PHLDB2: variants seen among roughly 807,000 people sequenced by gnomAD.
The protein encoded by PHLDB2 is pleckstrin homology-like domain family B member 2.
Under a neutral mutation model 123.6 loss-of-function variants are expected in PHLDB2, and 71 were observed. The observed-to-expected ratio is 0.57, with a 90% CI of 0.47 to 0.70. The LOEUF is 0.70. Among genes scored for constraint, PHLDB2 ranks in the 30% least tolerant of loss-of-function variants. PHLDB2 has a pLI of 0.00. For missense variants in PHLDB2, 1,446 were observed against 1,519.5 expected, an observed-to-expected ratio of 0.95 and a Z score of 0.80; for synonymous variants, 547 against 541.6, an observed-to-expected ratio of 1.01 and a Z score of -0.14.
intron 1 of PHLDB2, among the ~76,000 whole-genome samples, chr3:111,768,798 T>C (rs2060125800): frequency 6.6e-6 from 1 of 152,222 alleles, no homozygotes; most frequent in African/African-American, 2.4e-5. Flanking sequence ...CCAGCTTCTT[T>C]TGCATTGTCT....
intron 1 of PHLDB2, among the ~76,000 whole-genome samples, chr3:111,872,283 C>T (rs2065377966): frequency 6.6e-6 from 1 of 152,186 alleles, no homozygotes; most frequent in Non-Finnish European, 1.5e-5. Flanking sequence ...ACTGGGACCT[C>T]TTTTTTGTTT....
chr3:111,918,198 G>A (rs1282943), intron 3 of PHLDB2, among the ~76,000 whole-genome samples: 3,414 of 152,264 alleles, frequency 0.022, 126 homozygotes, highest in African/African-American at 0.077. Flanking sequence ...TTGACTGTGT[G>A]TGTGATCTAC....
chr3:111,807,435 T>C (rs7637534), intron 1 of PHLDB2, among the ~76,000 whole-genome samples: 142,756 of 152,190 alleles, frequency 0.94, 67,584 homozygotes, highest in East Asian at 1. Context: ...CATGAATCCC[T>C]GCCAGGCATA....
At chr3:111,883,908 G>A in intron 1 of PHLDB2, 156 bp from the exon 2 acceptor site, 1 of 645,650 alleles carries the variant, frequency 1.5e-6, no homozygotes, top group South Asian at 2.1e-5. Context: ...TTAATTTGCT[G>A]TATGGTTTTA....
intron 1 of PHLDB2, among the ~76,000 whole-genome samples, chr3:111,770,031 A>C (rs1177052393): frequency 2.0e-5 from 3 of 152,220 alleles, no homozygotes; most frequent in Non-Finnish European, 4.4e-5. Flanking sequence ...GTCACTTTCC[A>C]GTATTTCTGT....
At chr3:111,868,023 A>G (rs1020432757) in intron 1 of PHLDB2, among the ~76,000 whole-genome samples, 1 of 151,466 alleles carries the variant, frequency 6.6e-6, no homozygotes, top group African/African-American at 2.4e-5. Flanking sequence ...AAAAAATGAC[A>G]GGATCTTGCT....
chr3:111,782,846 A>G (rs561862506), intron 1 of PHLDB2, among the ~76,000 whole-genome samples: 1 of 152,258 alleles, frequency 6.6e-6, no homozygotes, highest in East Asian at 1.9e-4. Context: ...CAGGCTATTC[A>G]GAGAGAAAAA....
chr3:111,748,538 T>C (rs1323399401), intron 1 of PHLDB2, among the ~76,000 whole-genome samples: 2 of 151,834 alleles, frequency 1.3e-5, no homozygotes, highest in African/African-American at 4.8e-5. Context: ...TTTCTTTTTC[T>C]TTTTTTTCTT....
At position 111,913,349 on chromosome 3, in the gene PHLDB2, C is replaced by G; in HGVS notation, c.1366C>G (p.Leu456Val). 6.2e-7 allele frequency: 1 copy of G among 1,609,660 alleles called. No individual in the cohort carries two copies. The highest frequency in any genetic ancestry group is 8.5e-7 in the Non-Finnish European group (1 of 1,177,954). The change falls in exon 3 of 18, where the codon CTC (leucine) becomes GTC (valine). Residue 456 changes from leucine (L) to valine (V), a missense_variant. Leu to Val is a conservative substitution (Grantham distance 32, BLOSUM62 1). This residue lies in a region of PHLDB2 where 832 missense variants were observed against 831.9 expected (regional missense o/e 1.00). Transcript: ENST00000431670. ...ERQRLETILSLCAEYTKPDSR... is the reference protein window; with the variant it reads ...ERQRLETILSVCAEYTKPDSR... Reference sequence around the variant, plus strand: ...ACAGCGTCTGGAGACCATCCTCAGTCTCTGTGCTGAATACACAAAGCCTGA... The same window carrying G: ...ACAGCGTCTGGAGACCATCCTCAGTGTCTGTGCTGAATACACAAAGCCTGA...
In PHLDB2 at chr3:111,927,199, A is replaced by G. The variant is rs552939687; in HGVS notation, c.2002-5070A>G. ...AGGAACAGGAAGGAAAGGGATTTTTAGGATACATAGATAGGACTTTGAATG... is the reference window on the plus strand; with the variant it reads ...AGGAACAGGAAGGAAAGGGATTTTTGGGATACATAGATAGGACTTTGAATG... On this transcript the variant is annotated intron_variant, in intron 5 of 17. Transcript: ENST00000431670. Among the ~76,000 whole-genome samples, 82 of 151,432 alleles carry G rather than the reference A, an allele frequency of 5.4e-4. 1 individual carries two copies. Among genetic ancestry groups the G allele is most frequent in the African/African-American group, 1.8e-3 (75 of 41,322 alleles).
At position 111,831,017 on chromosome 3, in the gene PHLDB2, G is replaced by GAAAGAAAGA. The variant is rs1559855290; in HGVS notation, c.-48-14801_-48-14793dup. Among the ~76,000 whole-genome samples the GAAAGAAAGA allele has an allele frequency of 2.3e-4, 25 of 109,816 alleles. 3 individuals carry two copies. The highest frequency in any genetic ancestry group is 8.3e-4 in the Admixed American group (9 of 10,886). 72.0% of individuals were successfully genotyped at this position (109,816 alleles called of 152,430 possible). ...AGAAAGAAAGAAAGAAAGAAAGAAA[G>GAAAGAAAGA]AAAGAAAGAAAGAAAGGAAGGAAGG... is the stretch of plus-strand genomic sequence containing the variant. On this transcript the variant is annotated intron_variant, in intron 1 of 17. Coordinates refer to the PHLDB2 transcript ENST00000393923.
chr3:111,856,993 T>C (rs1396830770), upstream of PHLDB2, among the ~76,000 whole-genome samples: 17 of 152,170 alleles, frequency 1.1e-4, no homozygotes, highest in Admixed American at 1.0e-3. Context: ...CACGGTGACA[T>C]TGAACAGGGT....
chr3:111,840,573 G>C (rs1017690561), intron 1 of PHLDB2, among the ~76,000 whole-genome samples: 1 of 152,118 alleles, frequency 6.6e-6, no homozygotes, highest in Admixed American at 6.5e-5. Context: ...TCCATGAAAG[G>C]GAGCTTGATG....
At chr3:111,858,433 C>T (rs1348319075), upstream of PHLDB2, among the ~76,000 whole-genome samples, 2 of 152,144 alleles carry the variant, frequency 1.3e-5, no homozygotes, top group Non-Finnish European at 2.9e-5. Flanking sequence ...AACAAACCTG[C>T]ACGTTCTGCA....
At chr3:111,870,262 AG>A (rs1187959821) in intron 1 of PHLDB2, among the ~76,000 whole-genome samples, 1 of 152,042 alleles carries the variant, frequency 6.6e-6, no homozygotes, top group African/African-American at 2.4e-5. Context: ...GTTTGCTTAG[AG>A]GGGGGTGTTT....
intron 2 of PHLDB2, among the ~76,000 whole-genome samples, chr3:111,902,483 A>G (rs2067254829): frequency 6.6e-6 from 1 of 152,154 alleles, no homozygotes; most frequent in African/African-American, 2.4e-5. Flanking sequence ...AAAAATAAAT[A>G]AACATTACTT....
intron 6 of PHLDB2, among the ~76,000 whole-genome samples, chr3:111,934,498 A>G (rs1371025800): frequency 2.0e-5 from 3 of 152,254 alleles, no homozygotes; most frequent in Non-Finnish European, 4.4e-5. Flanking sequence ...AAAAAATAAA[A>G]GAATAAGAAG....
intron 9 of PHLDB2, 42 bp downstream of exon 9, chr3:111,945,399 A>G (rs200906151): frequency 7.2e-7 from 1 of 1,392,158 alleles, no homozygotes; most frequent in African/African-American, 1.4e-5. Flanking sequence ...TGCCTTAGAA[A>G]TCAGGAGATG....
At position 111,884,405 on chromosome 3, in the gene PHLDB2, C is replaced by G. The variant is rs201726425; in HGVS notation, c.328C>G (p.Pro110Ala). Residue 110 changes from proline to alanine, a missense_variant, in exon 2 of 18, where the codon CCT becomes GCT. Physicochemically the swap from Pro to Ala is conservative, Grantham distance 27. This residue lies in a region of PHLDB2 where 832 missense variants were observed against 831.9 expected (regional missense o/e 1.00). Coordinates refer to ENST00000431670, the MANE Select transcript of PHLDB2 (RefSeq NM_001134438.2). ...DKNIPMKPPT[P>A]LLNTTSSLSG... Reference sequence around the variant, plus strand: ...AAATATTCCTATGAAACCTCCAACTCCTTTACTCAACACTACATCCTCCCT... The same window carrying G: ...AAATATTCCTATGAAACCTCCAACTGCTTTACTCAACACTACATCCTCCCT... 1.7e-5 allele frequency: 27 copies of G among 1,614,148 alleles called. 1 individual carries two copies. The South Asian group carries it at 2.3e-4, about 14-fold the overall frequency.
Sources: allele counts gnomAD v4.1 joint callset (sites outside exome capture counted in the v4.1 genomes callset), GRCh38; gene constraint gnomAD v4.1.1; regional missense constraint gnomAD v4.1.1; transcripts MANE v1.5; gene names NCBI Gene and HGNC (gene_info 2026-07-23, HGNC 2026-07-21).